CHRM3: variants seen among roughly 807,000 people sequenced by gnomAD.
The protein encoded by CHRM3 is muscarinic acetylcholine receptor M3.
Under a neutral mutation model 41.8 loss-of-function variants are expected in CHRM3, and 11 were observed. The observed-to-expected ratio is 0.26, with a 90% CI of 0.17 to 0.44. The LOEUF is 0.44. CHRM3 is among the 20% of genes least tolerant of loss of function. The pLI is 1.00. For missense variants in CHRM3, 571 were observed against 745.4 expected, an observed-to-expected ratio of 0.77 and a Z score of 2.72; for synonymous variants, 297 against 301.4, an observed-to-expected ratio of 0.99 and a Z score of 0.15.
intron 5 of CHRM3, among the ~76,000 whole-genome samples, chr1:239,731,430 G>T (rs1488791988): frequency 6.6e-6 from 1 of 151,954 alleles, no homozygotes; most frequent in Non-Finnish European, 1.5e-5. Context: ...CTTATTTAAG[G>T]TGAAGATTAA....
At chr1:239,811,627 G>C (rs1671123959) in intron 5 of CHRM3, among the ~76,000 whole-genome samples, 1 of 152,128 alleles carries the variant, frequency 6.6e-6, no homozygotes, top group Non-Finnish European at 1.5e-5. Flanking sequence ...ATAAAGCAAA[G>C]TCTCTCTCTC....
chr1:239,583,873 A>T (rs986238605), intron 3 of CHRM3, among the ~76,000 whole-genome samples: 2 of 152,020 alleles, frequency 1.3e-5, no homozygotes, highest in East Asian at 1.9e-4. Context: ...GAGAAAAAAA[A>T]TGCTTTAAAT....
chr1:239,864,187 GC>G (rs1023314903), intron 6 of CHRM3, among the ~76,000 whole-genome samples: 3 of 151,850 alleles, frequency 2.0e-5, no homozygotes, highest in African/African-American at 4.8e-5. Flanking sequence ...GCGAGACCCT[GC>G]CCCCCCACCA....
At chr1:239,506,855 A>C (rs1191641879) in intron 2 of CHRM3, among the ~76,000 whole-genome samples, 2 of 152,310 alleles carry the variant, frequency 1.3e-5, no homozygotes, top group African/African-American at 4.8e-5. Context: ...TTGCATCAGC[A>C]TGACCCAGAT....
chr1:239,804,191 T>G (rs1670440004), intron 5 of CHRM3, among the ~76,000 whole-genome samples: 1 of 152,128 alleles, frequency 6.6e-6, no homozygotes, highest in Non-Finnish European at 1.5e-5. Flanking sequence ...TTGAGATATT[T>G]CCAAGAGCAA....
intron 1 of CHRM3, among the ~76,000 whole-genome samples, chr1:239,442,607 G>A (rs1305037913): frequency 6.6e-6 from 1 of 152,114 alleles, no homozygotes; most frequent in East Asian, 1.9e-4. Context: ...ACTCTTTGAG[G>A]TTGTTCTGAG....
At chr1:239,805,963 G>A (rs552010784) in intron 5 of CHRM3, among the ~76,000 whole-genome samples, 7 of 151,994 alleles carry the variant, frequency 4.6e-5, no homozygotes, top group African/African-American at 1.7e-4. Flanking sequence ...CGTTAAAAAC[G>A]AAACAAAACA....
chr1:239,446,472 G>A (rs1664164100), intron 1 of CHRM3, among the ~76,000 whole-genome samples: 1 of 152,104 alleles, frequency 6.6e-6, no homozygotes, highest in African/African-American at 2.4e-5. Context: ...CAATGTATGT[G>A]ATCATTTACT....
At chr1:239,397,476 T>A (rs1250844766) in intron 1 of CHRM3, among the ~76,000 whole-genome samples, 1 of 151,760 alleles carries the variant, frequency 6.6e-6, no homozygotes, top group Non-Finnish European at 1.5e-5. Flanking sequence ...ATTGAGACCA[T>A]CCTGGCTAAC....
chr1:239,572,127 C>A (rs763969699), intron 3 of CHRM3, among the ~76,000 whole-genome samples: 15 of 152,098 alleles, frequency 9.9e-5, no homozygotes, highest in Non-Finnish European at 1.6e-4. Context: ...GCCATTTTAC[C>A]ACCAAAAGCT....
chr1:239,908,196 A>G lies in CHRM3; in HGVS notation c.745A>G (p.Ile249Val). The part of the protein sequence containing the change: ...AFYMPVTIMT[I>V]LYWRIYKETE... ...TTATATGCCTGTCACCATTATGACT[A>G]TTTTATACTGGAGGATCTATAAGGA... The change falls in exon 7 of 7, where the codon ATT becomes GTT. Residue 249 changes from isoleucine to valine, a missense_variant. Around this residue, in one of 5 missense-constraint regions of CHRM3, gnomAD observed 153 missense variants for 296.3 expected, o/e 0.52. Coordinates refer to ENST00000676153, the MANE Select transcript of CHRM3 (RefSeq NM_001375978.1). This position sits in a 1 kb window ranked among gnomAD's most constrained non-coding sequence, Gnocchi z 7.2. 6.2e-7 allele frequency: 1 copy of G among 1,614,128 alleles called. No individual in the cohort carries two copies. The highest frequency in any genetic ancestry group is 8.5e-7 in the Non-Finnish European group (1 of 1,180,030).
intron 5 of CHRM3, among the ~76,000 whole-genome samples, chr1:239,741,974 T>C (rs1664893698): frequency 6.6e-6 from 1 of 152,200 alleles, no homozygotes; most frequent in South Asian, 2.1e-4. Context: ...TCTACTCATC[T>C]CTTGATTCTC....
chr1:239,549,522 G>T (rs1414802608), intron 3 of CHRM3, among the ~76,000 whole-genome samples: 1 of 150,558 alleles, frequency 6.6e-6, no homozygotes, highest in South Asian at 2.1e-4. Context: ...ATAGCCAGGT[G>T]TGGTGGCACA....
intron 3 of CHRM3, among the ~76,000 whole-genome samples, chr1:239,591,452 T>C: frequency 6.6e-6 from 1 of 152,170 alleles, no homozygotes; most frequent in African/African-American, 2.4e-5. Context: ...GTCTCTTATG[T>C]TCAGTTCACA....
intron 6 of CHRM3, among the ~76,000 whole-genome samples, chr1:239,894,196 A>G (rs1428695567): frequency 2.0e-5 from 3 of 152,258 alleles, no homozygotes; most frequent in Admixed American, 6.5e-5. Context: ...TGGAAACTCA[A>G]TAAAGGAAGG....
rs1481099433 is a variant in CHRM3 at position 239,909,166 on chromosome 1, A to T, written c.1715A>T (p.Gln572Leu). 1 of 1,613,892 alleles carries T rather than the reference A, an allele frequency of 6.2e-7. No homozygotes were observed. Among genetic ancestry groups the T allele is most frequent in the African/African-American group, 1.3e-5 (1 of 74,934 alleles). Residue 572 changes from glutamine (Q) to leucine (L), a missense_variant, in exon 7 of 7, where the codon CAG becomes CTG. Physicochemically the swap from Gln to Leu is moderately radical, Grantham distance 113. Transcript: ENST00000676153. ...QCDKKKRRKQ[Q>L]YQQRQSVIFH... Reference sequence around the variant, plus strand: ...GACAAAAAAAAGAGGCGCAAGCAGCAGTACCAGCAGAGACAGTCGGTCATT... The same window carrying T: ...GACAAAAAAAAGAGGCGCAAGCAGCTGTACCAGCAGAGACAGTCGGTCATT...
chr1:239,586,908 C>G (rs1357882319), intron 3 of CHRM3, among the ~76,000 whole-genome samples: 6 of 152,162 alleles, frequency 3.9e-5, no homozygotes, highest in Non-Finnish European at 5.9e-5. Context: ...GAAGCTTTAA[C>G]TGTATTATTG....
At chr1:239,579,743 A>G (rs1305461467) in intron 3 of CHRM3, among the ~76,000 whole-genome samples, 1 of 152,196 alleles carries the variant, frequency 6.6e-6, no homozygotes, top group Non-Finnish European at 1.5e-5. Context: ...ATAATAGTTG[A>G]CACTTACATA....
chr1:239,430,686 T>TAC (rs1491075674), intron 1 of CHRM3, among the ~76,000 whole-genome samples: 3 of 147,428 alleles, frequency 2.0e-5, no homozygotes, highest in African/African-American at 7.8e-5. Flanking sequence ...TATATATATA[T>TAC]ATACACACAC....
Sources: gnomAD v4.1 joint callset for allele counts (sites outside exome capture counted in the v4.1 genomes callset) on GRCh38, gnomAD v4.1.1 for gene constraint, gnomAD v4.1.1 regional missense constraint, Gnocchi (gnomAD v3.1) non-coding constraint, MANE v1.5 for transcripts, NCBI Gene and HGNC (gene_info 2026-07-23, HGNC 2026-07-21) for gene names.